The following MTCL1 variants were observed in gnomAD, a reference collection of about 807,000 sequenced individuals.
MTCL1 encodes microtubule cross-linking factor 1.
In MTCL1, 79 loss-of-function variants were observed where a neutral mutation model predicts 141.4. The observed-to-expected ratio is 0.56, with a 90% CI of 0.47 to 0.67. The LOEUF is 0.67. Among genes scored for constraint, MTCL1 ranks in the 30% least tolerant of loss-of-function variants. The pLI is 0.00. For missense variants in MTCL1, 2,177 were observed against 2,113.9 expected, an observed-to-expected ratio of 1.03 and a Z score of -0.59; for synonymous variants, 914 against 875.8, an observed-to-expected ratio of 1.04 and a Z score of -0.77.
At chr18:8,818,730 C>T (rs926325780) in intron 12 of MTCL1, among the ~76,000 whole-genome samples, 7 of 152,212 alleles carry the variant, frequency 4.6e-5, no homozygotes, top group African/African-American at 9.6e-5. Context: ...TCACCATACT[C>T]GTACGTGGTT....
intron 10 of MTCL1, 39 bp from the exon 10 acceptor site, chr18:8,806,854 T>C (rs1372945881): frequency 6.3e-7 from 1 of 1,597,952 alleles, no homozygotes; most frequent in Non-Finnish European, 8.5e-7. Context: ...AAAAATACGC[T>C]TAAAGGAGGT....
At chr18:8,818,913 C>T in intron 12 of MTCL1, 50 bp from the exon 12 acceptor site, 2 of 1,554,026 alleles carry the variant, frequency 1.3e-6, no homozygotes, top group Non-Finnish European at 1.7e-6. Flanking sequence ...TTAGGGAGAC[C>T]ATCAGACAGA....
intron 4 of MTCL1, among the ~76,000 whole-genome samples, chr18:8,724,248 A>G (rs1020341993): frequency 3.3e-5 from 5 of 152,050 alleles, no homozygotes; most frequent in African/African-American, 1.2e-4. Context: ...TGTTTCTACT[A>G]AAAATACAAA....
chr18:8,727,611 T>C (rs9962998), intron 4 of MTCL1, among the ~76,000 whole-genome samples: 54,646 of 152,072 alleles, frequency 0.36, 10,149 homozygotes, highest in Admixed American at 0.48. Flanking sequence ...TGTCTGTTCA[T>C]GTCCTTTGCA....
chr18:8,746,228 C>A (rs2096337113), intron 4 of MTCL1, among the ~76,000 whole-genome samples: 1 of 152,166 alleles, frequency 6.6e-6, no homozygotes, highest in African/African-American at 2.4e-5. Flanking sequence ...AAGTCTCACC[C>A]TCAGTTCTTT....
chr18:8,747,861 G>A (rs1217722646), intron 4 of MTCL1, among the ~76,000 whole-genome samples: 1 of 152,136 alleles, frequency 6.6e-6, no homozygotes, highest in African/African-American at 2.4e-5. Flanking sequence ...TTTTTCCTGA[G>A]TGGCTCCAGA....
intron 3 of MTCL1, chr18:8,720,019 A>T (rs1315594689): frequency 2.4e-5 from 5 of 207,878 alleles, no homozygotes; most frequent in Non-Finnish European, 4.6e-5. Context: ...GGGCTTTAAA[A>T]ACAATTTATT....
chr18:8,824,018 C>T (rs2076931678), intron 14 of MTCL1, among the ~76,000 whole-genome samples: 1 of 152,170 alleles, frequency 6.6e-6, no homozygotes, highest in Admixed American at 6.5e-5. Context: ...GACACCTCAT[C>T]GCCCCATCCC....
At position 8,806,816 on chromosome 18, in the gene MTCL1, T is replaced by A. The variant is rs2076314390; in HGVS notation, c.2437-77T>A. The A allele has an allele frequency of 2.0e-6, 3 of 1,502,620 alleles. No homozygotes were observed. In the South Asian group the frequency reaches 3.7e-5, roughly 18 times the overall value. 93.1% of individuals were successfully genotyped at this position (1,502,620 alleles called of 1,614,324 possible). On this transcript the variant is annotated intron_variant, in intron 10 of 16. Transcript: ENST00000359865. Reference sequence around the variant, plus strand: ...GGAAACAGCCCCCACACTACCTTGATAGCCAGATCCTCTCCTCTTCTGACC... The same window carrying A: ...GGAAACAGCCCCCACACTACCTTGAAAGCCAGATCCTCTCCTCTTCTGACC...
rs755187379 is a variant in MTCL1 at position 8,825,645 on chromosome 18, G to A, written c.4135G>A (p.Ala1379Thr). ...GGCCCCTGCCATCGAGAAGGTGCAG[G>A]CCAAGTTTGAACGCACATGCTGCTC... The change falls in exon 15 of 17, where the codon GCC becomes ACC. Residue 1379 changes from alanine to threonine, a missense_variant. Coordinates refer to ENST00000359865, the Ensembl canonical transcript of MTCL1. 13 of 1,613,914 alleles carry A rather than the reference G, an allele frequency of 8.1e-6. No homozygotes were observed. In the East Asian group the frequency reaches 1.8e-4, roughly 22 times the overall value.
At chr18:8,785,713 C>T in intron 6 of MTCL1, 1 of 577,484 alleles carries the variant, frequency 1.7e-6, no homozygotes, top group Admixed American at 3.4e-5. Context: ...CCCCTTTGCT[C>T]ATCCTCATCT....
At chr18:8,767,104 AG>A (rs2096463263) in intron 4 of MTCL1, among the ~76,000 whole-genome samples, 1 of 152,142 alleles carries the variant, frequency 6.6e-6, no homozygotes, top group African/African-American at 2.4e-5. Context: ...CTGATGGAGG[AG>A]GGAGGGTTTT....
intron 9 of MTCL1, among the ~76,000 whole-genome samples, chr18:8,796,671 A>G (rs2075933741): frequency 6.6e-6 from 1 of 152,224 alleles, no homozygotes; most frequent in Non-Finnish European, 1.5e-5. Context: ...TGAAACATCA[A>G]TCATTTTCCT....
chr18:8,784,339 A>T, exon 6 of MTCL1: 1 of 1,547,244 alleles, frequency 6.5e-7, no homozygotes, highest in Non-Finnish European at 8.7e-7. Flanking sequence ...CCAAGCGGGA[A>T]GGGCCTGTTG....
intron 4 of MTCL1, among the ~76,000 whole-genome samples, chr18:8,759,739 GTTA>G (rs1260717293): frequency 6.6e-6 from 1 of 152,212 alleles, no homozygotes; most frequent in Non-Finnish European, 1.5e-5. Flanking sequence ...ATGTCAACGT[GTTA>G]TTATAATAGA....
chr18:8,790,231 A>G (rs946307184), intron 7 of MTCL1, among the ~76,000 whole-genome samples: 1 of 152,234 alleles, frequency 6.6e-6, no homozygotes, highest in African/African-American at 2.4e-5. Flanking sequence ...ATATTGTTTC[A>G]GATAAAAATG....
At chr18:8,721,091 T>A (rs558291204) in intron 4 of MTCL1, among the ~76,000 whole-genome samples, 55 of 152,356 alleles carry the variant, frequency 3.6e-4, no homozygotes, top group African/African-American at 1.2e-3. Context: ...GAATATATAT[T>A]TTTTTCATTT....
At chr18:8,770,574 G>A (rs917040914) in intron 4 of MTCL1, among the ~76,000 whole-genome samples, 22 of 152,154 alleles carry the variant, frequency 1.4e-4, no homozygotes, top group African/African-American at 5.3e-4. Flanking sequence ...TTGCAACCTA[G>A]TTACGTCCCA....
In MTCL1 at chr18:8,828,536, A is replaced by G. The variant is rs139721061; in HGVS notation, c.4723-372A>G. ...AGCCGTATAATAGTCTCTGTTTTAG[A>G]TACCAGTCATGCAATTTCCATATCT... On this transcript the variant is annotated intron_variant, in intron 15 of 16. Transcript: ENST00000359865. This position sits in a 1 kb window ranked among gnomAD's most constrained non-coding sequence, Gnocchi z 5.2. 1.5e-4 allele frequency among the ~76,000 whole-genome samples: 23 copies of G among 152,318 alleles called. No homozygotes were observed. The highest frequency in any genetic ancestry group is 2.6e-4 in the Admixed American group (4 of 15,298).
Sources: allele counts gnomAD v4.1 joint callset (sites outside exome capture counted in the v4.1 genomes callset), GRCh38; gene constraint gnomAD v4.1.1; non-coding constraint Gnocchi (gnomAD v3.1); transcripts MANE v1.5; gene names NCBI Gene and HGNC (gene_info 2026-07-23, HGNC 2026-07-21).